CACNB4: variants seen among roughly 807,000 people sequenced by gnomAD.
CACNB4 encodes voltage-dependent L-type calcium channel subunit beta-4.
Under a neutral mutation model 71.2 loss-of-function variants are expected in CACNB4, and 32 were observed. The observed-to-expected ratio is 0.45, with a 90% CI of 0.34 to 0.60. The LOEUF is 0.60. Among genes scored for constraint, CACNB4 ranks in the 20% least tolerant of loss-of-function variants. CACNB4 has a pLI of 0.01. For synonymous variants in CACNB4, 231 were observed against 236.9 expected (o/e 0.97, Z 0.23); for missense variants, 464 against 647.9 (o/e 0.72, Z 3.08).
chr2:152,067,662 T>C (rs1302415935), intron 2 of CACNB4, among the ~76,000 whole-genome samples: 2 of 152,194 alleles, frequency 1.3e-5, no homozygotes, highest in African/African-American at 4.8e-5. Context: ...TAAAGGCAAG[T>C]GGCCTTAGAA....
chr2:151,982,596 G>GC (rs1228396542), intron 2 of CACNB4, among the ~76,000 whole-genome samples: 1 of 143,792 alleles, frequency 7.0e-6, no homozygotes, highest in Non-Finnish European at 1.5e-5. Flanking sequence ...TTGCACCACT[G>GC]CACTCCAGCC....
chr2:151,927,019 A>T (rs2099860412), intron 2 of CACNB4, among the ~76,000 whole-genome samples: 2 of 152,178 alleles, frequency 1.3e-5, no homozygotes, highest in Non-Finnish European at 2.9e-5. Flanking sequence ...TTTTAGCCTT[A>T]TGTTTCACTT....
chr2:151,932,956 T>C (rs563580323), intron 2 of CACNB4, among the ~76,000 whole-genome samples: 63 of 151,826 alleles, frequency 4.1e-4, no homozygotes, highest in Non-Finnish European at 8.5e-4. Context: ...ACCTGGGCTA[T>C]GAGAAGCTCT....
rs1683973665 is a variant in CACNB4 at position 152,026,381 on chromosome 2, T to G, written c.147+71949A>C. 1.6e-4 allele frequency among the ~76,000 whole-genome samples: 9 copies of G among 56,026 alleles called. No individual in the cohort carries two copies. The South Asian group carries it at 4.9e-3, about 31-fold the overall frequency. The allele number at this position is 56,026 out of a possible 152,430, so 36.8% of individuals were successfully genotyped here. A position where few individuals can be genotyped will look rare whatever the true frequency, so the allele number is the denominator to read the frequency against. ...TCTGGGCTCCACTTCTCTAGTCCCT[T>G]TTTTTTTTTTTCTTCTTCTTTGAGA... is the stretch of plus-strand genomic sequence containing the variant. On this transcript the variant is annotated intron_variant, in intron 2 of 13. Coordinates refer to ENST00000539935, the MANE Select transcript of CACNB4 (RefSeq NM_000726.5).
chr2:152,088,328 A>G (rs978744346), intron 2 of CACNB4, among the ~76,000 whole-genome samples: 1 of 152,200 alleles, frequency 6.6e-6, no homozygotes, highest in African/African-American at 2.4e-5. Flanking sequence ...GGAAGACGAT[A>G]TATTTATCTG....
intron 13 of CACNB4, 79 bp downstream of exon 13, chr2:151,841,824 C>G: frequency 8.4e-7 from 1 of 1,195,368 alleles, no homozygotes; most frequent in South Asian, 1.3e-5. Flanking sequence ...AAGGATGACT[C>G]CAGTCTCCAT....
intron 4 of CACNB4, chr2:151,880,571 T>C (rs1415816427): frequency 5.6e-6 from 3 of 532,348 alleles, no homozygotes; most frequent in Admixed American, 3.7e-5. Flanking sequence ...ATCTATGCTA[T>C]AATTTTAAGG....
intron 2 of CACNB4, among the ~76,000 whole-genome samples, chr2:151,992,426 C>G (rs1681760166): frequency 6.6e-6 from 1 of 152,284 alleles, no homozygotes; most frequent in Admixed American, 6.5e-5. Flanking sequence ...GTTTATCTTA[C>G]AAGAATTAAG....
intron 2 of CACNB4, among the ~76,000 whole-genome samples, chr2:152,043,047 A>C (rs1417337931): frequency 6.6e-6 from 1 of 152,180 alleles, no homozygotes; most frequent in African/African-American, 2.4e-5. Flanking sequence ...AACGTCAGGA[A>C]GTTACCCTGT....
At position 151,870,516 on chromosome 2, in the gene CACNB4, A is replaced by C. The variant is rs779855345; in HGVS notation, c.699+15T>G. Reference sequence around the variant, plus strand: ...GCTCGATCAAGAACTGAAGAGTAACAGATGATATTTGTACCTCGTAACCTT... The same window carrying C: ...GCTCGATCAAGAACTGAAGAGTAACCGATGATATTTGTACCTCGTAACCTT... On this transcript the variant is annotated intron_variant, in intron 8 of 13. Coordinates refer to ENST00000539935, the MANE Select transcript of CACNB4 (RefSeq NM_000726.5). 32 of 1,603,260 alleles carry C rather than the reference A, an allele frequency of 2.0e-5. No homozygotes were observed. Among genetic ancestry groups the C allele is most frequent in the Non-Finnish European group, 2.6e-5 (31 of 1,170,598 alleles).
chr2:151,929,660 A>G (rs2099861141), intron 2 of CACNB4, among the ~76,000 whole-genome samples: 1 of 152,256 alleles, frequency 6.6e-6, no homozygotes. Flanking sequence ...AAGAGCATCA[A>G]CTAAAAAAAC....
chr2:151,911,194 T>C (rs2099856079), intron 2 of CACNB4, among the ~76,000 whole-genome samples: 1 of 152,052 alleles, frequency 6.6e-6, no homozygotes, highest in Non-Finnish European at 1.5e-5. Flanking sequence ...GTTTAAGGAG[T>C]TTTGGGACTG....
At chr2:152,087,996 G>A (rs1687754049) in intron 2 of CACNB4, among the ~76,000 whole-genome samples, 2 of 152,162 alleles carry the variant, frequency 1.3e-5, no homozygotes, top group South Asian at 4.1e-4. Context: ...AATCCAAAAA[G>A]ATAGAGAATA....
At chr2:151,971,540 CT>C (rs2099872553) in intron 2 of CACNB4, 2 of 702,908 alleles carry the variant, frequency 2.8e-6, no homozygotes, top group Admixed American at 4.0e-5. Flanking sequence ...ACCCCCCACA[CT>C]TACAGCCATA....
intron 2 of CACNB4, among the ~76,000 whole-genome samples, chr2:151,905,670 T>C (rs925635877): frequency 6.6e-6 from 1 of 152,210 alleles, no homozygotes; most frequent in Non-Finnish European, 1.5e-5. Context: ...CAAATGGTTA[T>C]TCTTCACAAC....
intron 2 of CACNB4, among the ~76,000 whole-genome samples, chr2:152,080,981 TG>T (rs938157328): frequency 6.8e-4 from 103 of 152,296 alleles, no homozygotes; most frequent in African/African-American, 2.4e-3. Flanking sequence ...GGAGCAGATG[TG>T]GGCACCATGC....
At chr2:151,917,186 T>C (rs574780638) in intron 2 of CACNB4, among the ~76,000 whole-genome samples, 34 of 152,336 alleles carry the variant, frequency 2.2e-4, no homozygotes, top group African/African-American at 7.9e-4. Flanking sequence ...AAACTGAGTT[T>C]GGGTCATATG....
Position 152,098,101 on chromosome 2 carries a change from C to A in CACNB4, c.147+229G>T, listed in dbSNP as rs1258799770. The stretch of plus-strand genomic sequence containing the variant: ...AGGTCCCCACCGAACTGTCCACACA[C>A]ATGCACAAACTAACTTCCCGGGGCG... On this transcript the variant is annotated intron_variant, in intron 2 of 13. Transcript: ENST00000539935. This position sits in a 1 kb window ranked among gnomAD's most constrained non-coding sequence, Gnocchi z 5.3. 6.6e-6 allele frequency among the ~76,000 whole-genome samples: 1 copy of A among 152,280 alleles called. No homozygotes were observed. Among genetic ancestry groups the A allele is most frequent in the Non-Finnish European group, 1.5e-5 (1 of 68,048 alleles).
intron 2 of CACNB4, among the ~76,000 whole-genome samples, chr2:152,087,818 G>A (rs945049399): frequency 2.0e-5 from 3 of 152,128 alleles, no homozygotes; most frequent in African/African-American, 4.8e-5. Flanking sequence ...CCAGGAGTTC[G>A]AGGCTGCAGT....
Sources: allele counts gnomAD v4.1 joint callset (sites outside exome capture counted in the v4.1 genomes callset), GRCh38; gene constraint gnomAD v4.1.1; non-coding constraint Gnocchi (gnomAD v3.1); transcripts MANE v1.5; gene names NCBI Gene and HGNC (gene_info 2026-07-23, HGNC 2026-07-21).